The following BIRC6 variants were observed in gnomAD, a reference collection of about 807,000 sequenced individuals.
BIRC6 encodes dual E2 ubiquitin-conjugating enzyme/E3 ubiquitin-protein ligase BIRC6.
Under a neutral mutation model 503.3 loss-of-function variants are expected in BIRC6, and 98 were observed. The observed-to-expected ratio is 0.19, with a 90% CI of 0.17 to 0.23. The LOEUF is 0.23. BIRC6 is among the 10% of genes least tolerant of loss of function. The probability of loss-of-function intolerance (pLI) is 1.00; values close to 1 mark genes in which losing one functional copy is unlikely to be tolerated. For missense variants in BIRC6, 5,360 were observed against 5,806.0 expected (o/e 0.92, Z 2.50); for synonymous variants, 2,240 against 2,078.7 (o/e 1.08, Z -2.11).
chr2:32,492,976 T>A (rs1337715036), intron 44 of BIRC6, among the ~76,000 whole-genome samples: 3 of 151,810 alleles, frequency 2.0e-5, no homozygotes, highest in Non-Finnish European at 1.5e-5. Flanking sequence ...AATGTAGTGT[T>A]CACTATCATT....
intron 65 of BIRC6, among the ~76,000 whole-genome samples, chr2:32,568,237 T>A (rs1310625158): frequency 1.3e-5 from 2 of 150,700 alleles, no homozygotes; most frequent in African/African-American, 4.9e-5. Context: ...ATCACTGTAA[T>A]CGTAACACGT....
At chr2:32,579,183 A>C (rs558582211) in intron 66 of BIRC6, among the ~76,000 whole-genome samples, 257 of 151,600 alleles carry the variant, frequency 1.7e-3, no homozygotes, top group African/African-American at 6.0e-3. Context: ...TGTATTTGTA[A>C]TAGAATTTTT....
At chr2:32,386,919 T>C (rs1268191443) in intron 3 of BIRC6, among the ~76,000 whole-genome samples, 1 of 152,190 alleles carries the variant, frequency 6.6e-6, no homozygotes, top group East Asian at 1.9e-4. Context: ...TTGCCTGTTT[T>C]ATATTATGCA....
In BIRC6 at chr2:32,509,989, C is replaced by G. The variant is rs778076796; in HGVS notation, c.10232C>G (p.Pro3411Arg). The G allele has an allele frequency of 4.3e-6, 7 of 1,613,042 alleles. No homozygotes were observed. The highest frequency in any genetic ancestry group is 5.9e-6 in the Non-Finnish European group (7 of 1,179,616). ...AATTGTGCAGCATCAGGCAGTGATC[C>G]TACAGGTGATAATTAACTTTGATAT... is the stretch of plus-strand genomic sequence containing the variant. Reference protein sequence around the residue: ...LRNCAASGSDPTDLNSPLLFG... With the variant: ...LRNCAASGSDRTDLNSPLLFG... Residue 3411 changes from proline to arginine, a missense_variant, in exon 52 of 74, where the codon CCT becomes CGT. Physicochemically the swap from Pro to Arg is moderately radical, Grantham distance 103. Coordinates refer to ENST00000421745, the MANE Select transcript of BIRC6 (RefSeq NM_016252.4).
chr2:32,481,355 G>C lies in BIRC6; in HGVS notation c.7444G>C (p.Glu2482Gln). Residue 2482 changes from glutamate (E) to glutamine (Q), a missense_variant, in exon 38 of 74, where the codon GAA (glutamate) becomes CAA (glutamine). Around this residue, in one of 16 missense-constraint regions of BIRC6, gnomAD observed 2,299 missense variants for 2,267.2 expected, o/e 1.01. Transcript: ENST00000421745. ...PPLSSLEKDK[E>Q]IDLELLQDLM... ...TCTGTCCTCTTTGGAAAAAGATAAA[G>C]AAATTGACCTTGAGTTACTTCAGGA... is the stretch of plus-strand genomic sequence containing the variant. 1 of 1,610,070 alleles carries C rather than the reference G, an allele frequency of 6.2e-7. No homozygotes were observed. The highest frequency in any genetic ancestry group is 1.3e-5 in the African/African-American group (1 of 74,798).
chr2:32,368,455 G>A (rs1362284352), intron 1 of BIRC6, among the ~76,000 whole-genome samples: 3 of 151,988 alleles, frequency 2.0e-5, no homozygotes, highest in African/African-American at 4.8e-5. Context: ...CAGAAGAATC[G>A]CTTGAACCCA....
At chr2:32,543,117 AG>A in intron 61 of BIRC6, 123 bp from the exon 62 acceptor site, 2 of 1,151,066 alleles carry the variant, frequency 1.7e-6, no homozygotes, top group Non-Finnish European at 2.4e-6. Context: ...TGTTTTTTAA[AG>A]CAAGCAGCTT....
chr2:32,543,585 T>G lies in BIRC6; in HGVS notation c.12592+44T>G, dbSNP rs759515007. The G allele has an allele frequency of 1.9e-6, 3 of 1,563,188 alleles. No individual in the cohort carries two copies. In the African/African-American group the frequency reaches 4.1e-5, roughly 21 times the overall value. On this transcript the variant is annotated intron_variant, in intron 62 of 73. Transcript: ENST00000421745. ...ATTTATCAACACATATGTGAATAGGTTGTGTAAAGGTATCCAGATCATTGC... is the reference window on the plus strand; with the variant it reads ...ATTTATCAACACATATGTGAATAGGGTGTGTAAAGGTATCCAGATCATTGC...
At chr2:32,461,405 C>T (rs999373390) in intron 23 of BIRC6, among the ~76,000 whole-genome samples, 4 of 142,350 alleles carry the variant, frequency 2.8e-5, no homozygotes, top group Admixed American at 7.1e-5. Flanking sequence ...AAGGTCTCAC[C>T]ATGTTGACCA....
intron 59 of BIRC6, chr2:32,526,935 G>C (rs1253020228): frequency 1.3e-5 from 2 of 152,392 alleles, no homozygotes; most frequent in Admixed American, 1.3e-4. Flanking sequence ...AGTCATGGCT[G>C]ATGAAAATCT....
intron 10 of BIRC6, 38 bp downstream of exon 10, chr2:32,416,201 C>T (rs1252839481): frequency 1.3e-6 from 2 of 1,518,218 alleles, no homozygotes; most frequent in East Asian, 2.3e-5. Flanking sequence ...TTATAAAATC[C>T]ATGTATATAT....
At chr2:32,617,580 C>A in intron 73 of BIRC6, 145 bp from the exon 74 acceptor site, 1 of 817,450 alleles carries the variant, frequency 1.2e-6, no homozygotes, top group Non-Finnish European at 1.8e-6. Flanking sequence ...TATCAAGTGC[C>A]TGTAACAGTA....
intron 13 of BIRC6, among the ~76,000 whole-genome samples, chr2:32,434,269 G>A (rs772710756): frequency 2.6e-5 from 4 of 152,122 alleles, no homozygotes; most frequent in African/African-American, 9.7e-5. Flanking sequence ...TACACATTTA[G>A]CATGGTTAGA....
In BIRC6 at chr2:32,464,814, G is replaced by C. The variant is rs559924337; in HGVS notation, c.5247G>C (p.Lys1749Asn). ...CTGCACATAACAAAAATTCCAACAA[G>C]TCCAGAATGGTAAATTATGTTTTAA... ...NLAAHNKNSN[K>N]SRMNPLGSGL... Residue 1749 changes from lysine (K) to asparagine (N), a missense_variant, in exon 25 of 74, where the codon AAG (lysine) becomes AAC (asparagine). Lys to Asn is a moderately conservative substitution (Grantham distance 94, BLOSUM62 0). Transcript: ENST00000421745. 6 of 1,604,166 alleles carry C rather than the reference G, an allele frequency of 3.7e-6. No homozygotes were observed. Among genetic ancestry groups the C allele is most frequent in the Non-Finnish European group, 5.1e-6 (6 of 1,173,790 alleles).
chr2:32,558,428 A>C (rs990876226), intron 65 of BIRC6, among the ~76,000 whole-genome samples: 1 of 152,010 alleles, frequency 6.6e-6, no homozygotes, highest in Non-Finnish European at 1.5e-5. Flanking sequence ...GATTTAAATA[A>C]TTTTTTCCTT....
At position 32,415,119 on chromosome 2, in the gene BIRC6, A is replaced by C; in HGVS notation, c.1828A>C (p.Asn610His). 1 of 1,614,000 alleles carries C rather than the reference A, an allele frequency of 6.2e-7. No individual in the cohort carries two copies. The highest frequency in any genetic ancestry group is 8.5e-7 in the Non-Finnish European group (1 of 1,179,888). Residue 610 changes from asparagine to histidine, a missense_variant, in exon 10 of 74, where the codon AAT (asparagine) becomes CAT (histidine). Asn to His is a moderately conservative substitution (Grantham distance 68). Coordinates refer to ENST00000421745, the MANE Select transcript of BIRC6 (RefSeq NM_016252.4). ...TATATCAGAACAAGGGTCAACTGAC[A>C]ATGAATCCTGCACTAATTCAGAACT... ...ESISEQGSTD[N>H]ESCTNSELNS...
chr2:32,570,821 G>A (rs2059865759), intron 65 of BIRC6, among the ~76,000 whole-genome samples: 1 of 151,962 alleles, frequency 6.6e-6, no homozygotes, highest in African/African-American at 2.4e-5. Flanking sequence ...TTTAAGGGTT[G>A]AGGTCTTGCT....
intron 33 of BIRC6, among the ~76,000 whole-genome samples, chr2:32,474,271 A>G (rs529145921): frequency 3.5e-4 from 54 of 152,170 alleles, no homozygotes; most frequent in Middle Eastern, 3.4e-3. Flanking sequence ...AGCTAGTTCA[A>G]TCCTTTGCAG....
Position 32,468,712 on chromosome 2 carries a change from C to G in BIRC6, c.6056C>G (p.Ser2019Cys). The change falls in exon 29 of 74, where the codon TCC becomes TGC. Residue 2019 changes from serine (S) to cysteine (C), a missense_variant. Ser to Cys is a moderately radical substitution (Grantham distance 112). This residue lies in a region of BIRC6 where 2,299 missense variants were observed against 2,267.2 expected (regional missense o/e 1.01). Transcript: ENST00000421745. ...SNPEDLIQTS[S>C]TEQLRTIIRY... ...CCAGAAGATTTAATTCAGACATCTT[C>G]CACAGAGCAGTTACGTACTATCATC... 1 of 1,613,920 alleles carries G rather than the reference C, an allele frequency of 6.2e-7. No homozygotes were observed. The highest frequency in any genetic ancestry group is 8.5e-7 in the Non-Finnish European group (1 of 1,179,818).
Sources: allele counts gnomAD v4.1 joint callset (sites outside exome capture counted in the v4.1 genomes callset), GRCh38; gene constraint gnomAD v4.1.1; regional missense constraint gnomAD v4.1.1; transcripts MANE v1.5; gene names NCBI Gene and HGNC (gene_info 2026-07-23, HGNC 2026-07-21).